DIAPH3: variants seen among roughly 807,000 people sequenced by gnomAD.
DIAPH3 encodes diaphanous related formin 3, also known as protein diaphanous homolog 3.
In DIAPH3, 117 loss-of-function variants were observed where a neutral mutation model predicts 144.3. That is an observed-to-expected ratio of 0.81 (90% confidence interval 0.70 to 0.95). DIAPH3 has a LOEUF of 0.95. Ranked by LOEUF, DIAPH3 falls within the 40% of genes least tolerant of loss-of-function variation. DIAPH3 has a pLI of 0.00. For synonymous variants in DIAPH3, 519 were observed against 488.9 expected (o/e 1.06, Z -0.81); for missense variants, 1,421 against 1,412.7 (o/e 1.01, Z -0.09).
intron 25 of DIAPH3, among the ~76,000 whole-genome samples, chr13:59,800,618 C>A (rs2039854815): frequency 6.6e-6 from 1 of 152,104 alleles, no homozygotes; most frequent in Non-Finnish European, 1.5e-5. Flanking sequence ...CCTCAGACTG[C>A]AATGCTATTT....
intron 2 of DIAPH3, among the ~76,000 whole-genome samples, chr13:60,123,864 A>G (rs2058912885): frequency 6.6e-6 from 1 of 152,226 alleles, no homozygotes; most frequent in East Asian, 1.9e-4. Context: ...TAGAATAATA[A>G]GATAAAACTA....
intron 20 of DIAPH3, among the ~76,000 whole-genome samples, chr13:59,900,580 T>C (rs2046373954): frequency 1.3e-5 from 2 of 152,230 alleles, no homozygotes; most frequent in African/African-American, 4.8e-5. Context: ...AAAACCTTGC[T>C]GATGATGTGC....
chr13:59,716,269 G>T (rs995506978), intron 27 of DIAPH3, among the ~76,000 whole-genome samples: 2 of 152,006 alleles, frequency 1.3e-5, no homozygotes, highest in African/African-American at 4.8e-5. Context: ...TCCGCCTCCC[G>T]GGTTCACGCC....
intron 17 of DIAPH3, among the ~76,000 whole-genome samples, chr13:59,928,386 T>C (rs1013149700): frequency 6.6e-6 from 1 of 152,168 alleles, no homozygotes; most frequent in Non-Finnish European, 1.5e-5. Context: ...TATAAATTTC[T>C]TTTTATTTGG....
Position 59,928,588 on chromosome 13 carries a change from T to C in DIAPH3, c.2075-3718A>G, listed in dbSNP as rs563181194. Among the ~76,000 whole-genome samples the C allele has an allele frequency of 6.6e-4, 101 of 152,278 alleles. 3 individuals carry two copies. In the South Asian group the frequency reaches 0.021, roughly 31 times the overall value. On this transcript the variant is annotated intron_variant, in intron 17 of 27. Coordinates refer to ENST00000400324, the MANE Select transcript of DIAPH3 (RefSeq NM_001042517.2). ...TTACAGCATCGATTAAGTAGAGTGTTTGGAGTTTTGGGTGGGAGCAGCCAC... is the reference window on the plus strand; with the variant it reads ...TTACAGCATCGATTAAGTAGAGTGTCTGGAGTTTTGGGTGGGAGCAGCCAC...
Position 60,037,702 on chromosome 13 carries a change from G to A in DIAPH3, c.626+4988C>T, listed in dbSNP as rs534882451. The stretch of plus-strand genomic sequence containing the variant: ...CAGGAGCAGTTTGGATGATGAACCT[G>A]GAAAAAGTAGCATAAATTAAAAATT... On this transcript the variant is annotated intron_variant, in intron 5 of 27. Coordinates refer to ENST00000400324, the MANE Select transcript of DIAPH3 (RefSeq NM_001042517.2). 3.3e-5 allele frequency among the ~76,000 whole-genome samples: 5 copies of A among 151,768 alleles called. No individual in the cohort carries two copies. In the East Asian group the frequency reaches 9.7e-4, roughly 29 times the overall value.
intron 17 of DIAPH3, among the ~76,000 whole-genome samples, chr13:59,960,572 CTATGCCTTAAT>C (rs2049697025): frequency 6.6e-6 from 1 of 152,182 alleles, no homozygotes. Flanking sequence ...TAAAGGCTCT[CTATGCCTTAAT>C]TCAACCCAGT....
At chr13:60,112,267 A>C in intron 2 of DIAPH3, 81 bp from the exon 3 acceptor site, 1 of 1,495,762 alleles carries the variant, frequency 6.7e-7, no homozygotes, top group Non-Finnish European at 9.2e-7. Context: ...AGAAAAACAA[A>C]GAGGGCCAAT....
chr13:59,844,593 G>C (rs1254239217), intron 22 of DIAPH3, among the ~76,000 whole-genome samples: 1 of 151,656 alleles, frequency 6.6e-6, no homozygotes, highest in African/African-American at 2.4e-5. Flanking sequence ...TTAATTTACT[G>C]GTGTCTCTGT....
intron 3 of DIAPH3, among the ~76,000 whole-genome samples, chr13:60,104,355 C>T (rs1326913008): frequency 6.6e-6 from 1 of 152,076 alleles, no homozygotes; most frequent in Non-Finnish European, 1.5e-5. Context: ...CCAGTAGACA[C>T]TGGATTACTC....
chr13:59,929,939 T>C (rs1400017544), intron 17 of DIAPH3, among the ~76,000 whole-genome samples: 2 of 152,216 alleles, frequency 1.3e-5, no homozygotes, highest in Non-Finnish European at 2.9e-5. Flanking sequence ...ATTTGAACTG[T>C]ATTTGAATTG....
intron 1 of DIAPH3, among the ~76,000 whole-genome samples, chr13:60,151,690 G>T (rs936404870): frequency 6.6e-6 from 1 of 152,040 alleles, no homozygotes; most frequent in South Asian, 2.1e-4. Context: ...ACTTCCAAAA[G>T]CTTACAAACA....
intron 1 of DIAPH3, among the ~76,000 whole-genome samples, chr13:60,158,705 T>TG (rs1952141431): frequency 6.6e-6 from 1 of 151,578 alleles, no homozygotes; most frequent in African/African-American, 2.4e-5. Context: ...AGTTCTAGAG[T>TG]GGCAGCCCAA....
rs148701996 is a variant in DIAPH3 at position 59,868,103 on chromosome 13, A to T, written c.2608-6567T>A. ...TATGAAAGCCACTGCAGGCATGCGCAAATCAGTAAAACCTCCAGGAAAATG... is the reference window on the plus strand; with the variant it reads ...TATGAAAGCCACTGCAGGCATGCGCTAATCAGTAAAACCTCCAGGAAAATG... On this transcript the variant is annotated intron_variant, in intron 21 of 27. Transcript: ENST00000400324. 2.0e-5 allele frequency among the ~76,000 whole-genome samples: 3 copies of T among 152,222 alleles called. No homozygotes were observed. In the East Asian group the frequency reaches 5.8e-4, roughly 30 times the overall value.
chr13:59,926,692 A>G (rs1245618833), intron 17 of DIAPH3, among the ~76,000 whole-genome samples: 1 of 152,186 alleles, frequency 6.6e-6, no homozygotes, highest in Non-Finnish European at 1.5e-5. Flanking sequence ...AGCTACAAAG[A>G]TACTTAATAT....
chr13:59,776,880 G>T (rs1303153540), intron 25 of DIAPH3, among the ~76,000 whole-genome samples: 2 of 151,988 alleles, frequency 1.3e-5, no homozygotes, highest in African/African-American at 4.8e-5. Context: ...ACCAAGAAGG[G>T]TTGGATTGGA....
At position 59,861,555 on chromosome 13, in the gene DIAPH3, A is replaced by G. The variant is rs367698758; in HGVS notation, c.2608-19T>C. On this transcript the variant is annotated intron_variant, in intron 21 of 27. Coordinates refer to ENST00000400324, the MANE Select transcript of DIAPH3 (RefSeq NM_001042517.2). ...CCTTTAGCTAAATAGAACAGGAGGG[A>G]GAAAAAACACAGAGTCATAAGTATG... 1.9e-6 allele frequency: 3 copies of G among 1,611,118 alleles called. No homozygotes were observed. The highest frequency in any genetic ancestry group is 2.7e-5 in the African/African-American group (2 of 74,826).
chr13:59,980,734 G>T, intron 14 of DIAPH3, 61 bp downstream of exon 14: 1 of 1,430,034 alleles, frequency 7.0e-7, no homozygotes, highest in East Asian at 2.3e-5. Context: ...ATTCCCTGAG[G>T]CAGAAGCATG....
At chr13:60,064,771 G>A (rs1245118582) in intron 4 of DIAPH3, among the ~76,000 whole-genome samples, 1 of 152,140 alleles carries the variant, frequency 6.6e-6, no homozygotes, top group East Asian at 1.9e-4. Context: ...TTTGGCATAA[G>A]AGGCTTTTGG....
Sources: allele counts gnomAD v4.1 joint callset (sites outside exome capture counted in the v4.1 genomes callset), GRCh38; gene constraint gnomAD v4.1.1; transcripts MANE v1.5; gene names NCBI Gene and HGNC (gene_info 2026-07-23, HGNC 2026-07-21).